Variants in ARL6IP6 observed in about 807,000 individuals in gnomAD.
The protein encoded by ARL6IP6 is ARF like GTPase 6 interacting protein 6.
Under a neutral mutation model 21.5 loss-of-function variants are expected in ARL6IP6, and 22 were observed. The ratio of observed to expected loss-of-function variants is 1.02; its 90% CI spans 0.73 to 1.46. ARL6IP6 has a LOEUF of 1.46. Among genes scored for constraint, ARL6IP6 ranks in the 40% most tolerant of loss-of-function variants. The probability of loss-of-function intolerance (pLI) is 0.00; values close to 1 mark genes in which losing one functional copy is unlikely to be tolerated. For missense variants in ARL6IP6, 388 were observed against 299.8 expected (o/e 1.29, Z -2.17); for synonymous variants, 164 against 125.3 (o/e 1.31, Z -2.06).
intron 3 of ARL6IP6, among the ~76,000 whole-genome samples, chr2:152,753,005 C>G (rs952436628): frequency 3.3e-5 from 5 of 151,986 alleles, no homozygotes; most frequent in African/African-American, 1.2e-4. Context: ...CCTCCAGACC[C>G]TATTCTCCTG....
At chr2:152,724,861 T>A (rs745678543) in intron 2 of ARL6IP6, among the ~76,000 whole-genome samples, 1 of 151,894 alleles carries the variant, frequency 6.6e-6, no homozygotes, top group Admixed American at 6.6e-5. Flanking sequence ...ATATATACTT[T>A]GAACACCACT....
chr2:152,718,440 A>C, upstream of ARL6IP6: 1 of 783,930 alleles, frequency 1.3e-6, no homozygotes, highest in Admixed American at 4.1e-5. Context: ...GTCGAAGCGC[A>C]TTCCGCCTCT....
At chr2:152,725,688 A>G (rs1214171758) in intron 2 of ARL6IP6, among the ~76,000 whole-genome samples, 1 of 152,164 alleles carries the variant, frequency 6.6e-6, no homozygotes, top group East Asian at 1.9e-4. Flanking sequence ...GCTGTAACCA[A>G]TTTGAGATGT....
At chr2:152,728,762 G>GT (rs779160762) in intron 2 of ARL6IP6, among the ~76,000 whole-genome samples, 80 of 152,224 alleles carry the variant, frequency 5.3e-4, no homozygotes, top group Non-Finnish European at 1.0e-3. Flanking sequence ...GAAAAGATTA[G>GT]TATACATCAT....
intron 3 of ARL6IP6, 51 bp downstream of exon 3, chr2:152,735,177 A>T (rs1700497259): frequency 6.3e-7 from 1 of 1,582,560 alleles, no homozygotes; most frequent in East Asian, 2.2e-5. Context: ...CAACTCTTGA[A>T]AATACTAAAA....
intron 1 of ARL6IP6, among the ~76,000 whole-genome samples, chr2:152,719,262 C>A (rs1034241288): frequency 6.6e-6 from 1 of 152,134 alleles, no homozygotes; most frequent in Admixed American, 6.5e-5. Context: ...TAAATGGGTA[C>A]TCTTGAAGAA....
At chr2:152,728,803 G>T (rs76329466) in intron 2 of ARL6IP6, among the ~76,000 whole-genome samples, 3,230 of 152,230 alleles carry the variant, frequency 0.021, 125 homozygotes, top group African/African-American at 0.074. Flanking sequence ...GCGTCTGACT[G>T]AAATCCCAGA....
chr2:152,728,825 C>T (rs1306985476), intron 2 of ARL6IP6, among the ~76,000 whole-genome samples: 2 of 152,002 alleles, frequency 1.3e-5, no homozygotes, highest in African/African-American at 4.8e-5. Flanking sequence ...CTTTGAGAGC[C>T]CCAGGCAGGC....
chr2:152,732,134 A>G (rs1304644543), intron 2 of ARL6IP6, among the ~76,000 whole-genome samples: 1 of 151,918 alleles, frequency 6.6e-6, no homozygotes, highest in Non-Finnish European at 1.5e-5. Context: ...AGGTTTGTAT[A>G]ATATACAAAG....
At chr2:152,731,106 A>G (rs1249122694) in intron 2 of ARL6IP6, among the ~76,000 whole-genome samples, 1 of 152,118 alleles carries the variant, frequency 6.6e-6, no homozygotes, top group African/African-American at 2.4e-5. Context: ...CCACACTCCT[A>G]TCCCTGATTA....
At chr2:152,745,420 G>A (rs990803713) in intron 3 of ARL6IP6, among the ~76,000 whole-genome samples, 1 of 152,122 alleles carries the variant, frequency 6.6e-6, no homozygotes, top group Non-Finnish European at 1.5e-5. Flanking sequence ...ATAAGTATAT[G>A]TGGACATCTT....
chr2:152,725,804 A>G (rs780909545), intron 2 of ARL6IP6, among the ~76,000 whole-genome samples: 38 of 152,250 alleles, frequency 2.5e-4, no homozygotes, highest in Non-Finnish European at 3.7e-4. Context: ...TTTGGTGTAC[A>G]TGACTTTAGG....
intron 2 of ARL6IP6, among the ~76,000 whole-genome samples, chr2:152,733,112 G>A (rs546330370): frequency 6.6e-6 from 1 of 152,094 alleles, no homozygotes; most frequent in South Asian, 2.1e-4. Context: ...AGATTATTTG[G>A]TACGTTTTAG....
At chr2:152,739,973 C>T (rs554130514) in intron 3 of ARL6IP6, among the ~76,000 whole-genome samples, 1 of 152,300 alleles carries the variant, frequency 6.6e-6, no homozygotes, top group East Asian at 1.9e-4. Flanking sequence ...TGGGGGTAAC[C>T]ACCCCCATGA....
At chr2:152,744,963 A>T (rs1700978139) in intron 3 of ARL6IP6, among the ~76,000 whole-genome samples, 1 of 152,156 alleles carries the variant, frequency 6.6e-6, no homozygotes. Context: ...TTTAGAGAGT[A>T]ACATGATCTA....
intron 2 of ARL6IP6, among the ~76,000 whole-genome samples, chr2:152,733,735 T>A (rs77870585): frequency 2.4e-3 from 359 of 152,324 alleles, no homozygotes; most frequent in African/African-American, 8.0e-3. Context: ...AATTCTGATG[T>A]TACCTCCTTA....
intron 2 of ARL6IP6, chr2:152,732,514 T>C: frequency 2.3e-6 from 1 of 440,724 alleles, no homozygotes. Context: ...CTGGTCTTTT[T>C]TTTTATTGGC....
upstream of ARL6IP6, chr2:152,717,881 T>C: frequency 2.9e-6 from 3 of 1,036,616 alleles, no homozygotes; most frequent in Middle Eastern, 4.8e-4. Flanking sequence ...CAGCCTGTAG[T>C]GTTAGCGGTG....
At chr2:152,728,453 A>G (rs1700146289) in intron 2 of ARL6IP6, among the ~76,000 whole-genome samples, 1 of 152,200 alleles carries the variant, frequency 6.6e-6, no homozygotes, top group Non-Finnish European at 1.5e-5. Context: ...TGACTTCATA[A>G]AACTTCTTGA....
Sources: gnomAD v4.1 joint callset for allele counts (sites outside exome capture counted in the v4.1 genomes callset) on GRCh38, gnomAD v4.1.1 for gene constraint, MANE v1.5 for transcripts, NCBI Gene and HGNC (gene_info 2026-07-23, HGNC 2026-07-21) for gene names.